The following RFXANK variants were observed in gnomAD, a reference collection of about 807,000 sequenced individuals.
RFXANK encodes the protein regulatory factor X associated ankyrin containing protein, also known as DNA-binding protein RFXANK.
A neutral mutation model predicts 34.5 loss-of-function variants in RFXANK; 19 were observed. The ratio of observed to expected loss-of-function variants is 0.55; its 90% CI spans 0.38 to 0.81. The LOEUF (loss-of-function observed/expected upper bound fraction) is 0.81. RFXANK is among the 30% of genes least tolerant of loss of function. RFXANK has a pLI of 0.00. For synonymous variants in RFXANK, 154 were observed against 149.8 expected, an observed-to-expected ratio of 1.03 and a Z score of -0.20; for missense variants, 295 against 343.5, an observed-to-expected ratio of 0.86 and a Z score of 1.12.
chr19:19,199,092 C>A, intron 8 of RFXANK, 62 bp from the exon 9 acceptor site: 1 of 1,479,706 alleles, frequency 6.8e-7, no homozygotes, highest in Non-Finnish European at 9.4e-7. Context: ...TCTCCCAGGT[C>A]CCCAGACCCC....
chr19:19,199,265 G>A, intron 9 of RFXANK, 31 bp downstream of exon 9: 1 of 1,608,196 alleles, frequency 6.2e-7, no homozygotes. Context: ...GCAGGGGTGG[G>A]GTCCCTTCCA....
chr19:19,194,342 C>T (rs1167554526), intron 3 of RFXANK, among the ~76,000 whole-genome samples: 1 of 152,178 alleles, frequency 6.6e-6, no homozygotes, highest in Non-Finnish European at 1.5e-5. Flanking sequence ...AACTGATTCT[C>T]CTGTCTCAGC....
intron 9 of RFXANK, 172 bp from the exon 10 acceptor site, chr19:19,201,477 G>C (rs764673197): frequency 6.3e-7 from 1 of 1,581,010 alleles, no homozygotes; most frequent in South Asian, 1.1e-5. Flanking sequence ...TACAAACTTA[G>C]GGGAAGTTGA....
chr19:19,193,806 C>G (rs1370271537), intron 2 of RFXANK, 133 bp from the exon 3 acceptor site: 3 of 1,009,084 alleles, frequency 3.0e-6, no homozygotes. Flanking sequence ...TTTTCATTTC[C>G]CTGGCTCTGG....
chr19:19,201,643 T>C lies in RFXANK; in HGVS notation c.713-6T>C, dbSNP rs757150693. ...CACAGCCCACCTTTTCCCTGCCCCA[T>C]CTCAGTGCAACAGGTGATCGAGAAC... On this transcript the variant is annotated splice_polypyrimidine_tract_variant and splice_region_variant and intron_variant, in intron 9 of 9. Transcript: ENST00000303088. 20 of 1,613,968 alleles carry C rather than the reference T, an allele frequency of 1.2e-5. No individual in the cohort carries two copies. Among genetic ancestry groups the C allele is most frequent in the Non-Finnish European group, 1.5e-5 (18 of 1,180,018 alleles).
rs773482897 is a variant in RFXANK at position 19,196,946 on chromosome 19, T to C, written c.188-17T>C. The C allele has an allele frequency of 1.5e-5, 24 of 1,606,596 alleles. No individual in the cohort carries two copies. The highest frequency in any genetic ancestry group is 5.4e-5 in the African/African-American group (4 of 74,758). ...CATCTACTGAGGGGAAACTGACGCCTGTTGTCTGTTTCCCAGCAGGCAGCT... is the reference window on the plus strand; with the variant it reads ...CATCTACTGAGGGGAAACTGACGCCCGTTGTCTGTTTCCCAGCAGGCAGCT... On this transcript the variant is annotated splice_polypyrimidine_tract_variant and intron_variant, in intron 3 of 9. Coordinates refer to ENST00000303088, the MANE Select transcript of RFXANK (RefSeq NM_003721.4).
Position 19,192,494 on chromosome 19 carries a change from C to T in RFXANK, c.-210C>T. On this transcript the variant is annotated 5_prime_UTR_variant, in exon 1 of 10. Coordinates refer to ENST00000303088, the MANE Select transcript of RFXANK (RefSeq NM_003721.4). ...TCCCTTCTTTAGCCCTCTGCCCCCGCCCTTGCTTATAAGCCTTTGAGACCG... is the reference window on the plus strand; with the variant it reads ...TCCCTTCTTTAGCCCTCTGCCCCCGTCCTTGCTTATAAGCCTTTGAGACCG... The T allele has an allele frequency of 3.3e-6, 1 of 306,186 alleles. No individual in the cohort carries two copies. The allele number at this position is 306,186 out of a possible 1,614,324, so 19.0% of individuals were successfully genotyped here. A position where few individuals can be genotyped will look rare whatever the true frequency, so the allele number is the denominator to read the frequency against.
chr19:19,198,855 C>G, intron 8 of RFXANK, 132 bp downstream of exon 8: 3 of 949,756 alleles, frequency 3.2e-6, no homozygotes, highest in Non-Finnish European at 3.3e-6. Context: ...CTGCTCTTCT[C>G]GGAGGATGGA....
intron 9 of RFXANK, among the ~76,000 whole-genome samples, chr19:19,200,386 C>A (rs1307080468): frequency 1.3e-5 from 2 of 152,044 alleles, no homozygotes; most frequent in Admixed American, 1.3e-4. Flanking sequence ...CCATGTTGGT[C>A]AGGCTGGTCT....
At position 19,193,075 on chromosome 19, in the gene RFXANK, G is replaced by C. The variant is rs558672572; in HGVS notation, c.-34G>C. ...TTGAGAGAACTGGGCTTTCGGCGCG[G>C]GGGGACAGAGGAGGCTCGTGGGGAG... On this transcript the variant is annotated 5_prime_UTR_variant, in exon 2 of 10. Coordinates refer to ENST00000303088, the MANE Select transcript of RFXANK (RefSeq NM_003721.4). The C allele has an allele frequency of 6.6e-6, 1 of 152,430 alleles. No individual in the cohort carries two copies. The highest frequency in any genetic ancestry group is 2.1e-4 in the South Asian group (1 of 4,838). The allele number at this position is 152,430 out of a possible 1,614,324, so 9.4% of individuals were successfully genotyped here.
At chr19:19,199,053 C>T (rs962953091) in intron 8 of RFXANK, 101 bp from the exon 9 acceptor site, 2 of 1,173,330 alleles carry the variant, frequency 1.7e-6, no homozygotes, top group South Asian at 2.5e-5. Flanking sequence ...CCCACGGCTG[C>T]ATTGTGGGGA....
In RFXANK at chr19:19,196,930, A is replaced by C. The variant is rs779360857; in HGVS notation, c.188-33A>C. 1.9e-6 allele frequency: 3 copies of C among 1,587,448 alleles called. No individual in the cohort carries two copies. In the Admixed American group the frequency reaches 5.0e-5, roughly 26 times the overall value. ...CCTGAAGCCTCAGAGACATCTACTG[A>C]GGGGAAACTGACGCCTGTTGTCTGT... On this transcript the variant is annotated intron_variant, in intron 3 of 9. Coordinates refer to ENST00000303088, the MANE Select transcript of RFXANK (RefSeq NM_003721.4).
chr19:19,200,986 G>A (rs2060704070), intron 9 of RFXANK: 1 of 190,136 alleles, frequency 5.3e-6, no homozygotes, highest in Non-Finnish European at 1.1e-5. Flanking sequence ...TTTTAGTAGA[G>A]TCAGGGTTTC....
chr19:19,197,657 C>T (rs766821319), intron 6 of RFXANK, 36 bp downstream of exon 6: 1 of 1,594,278 alleles, frequency 6.3e-7, no homozygotes, highest in Non-Finnish European at 8.6e-7. Flanking sequence ...TGGGGGGTTC[C>T]CGGGGGCCTT....
Position 19,198,598 on chromosome 19 carries a change from G to A in RFXANK, c.565-59G>A, listed in dbSNP as rs769611010. ...TCAACTGGAGGCCAGAGAGTACAAG[G>A]CATTTTGAGAATGAGGAAGAGGTAA... On this transcript the variant is annotated intron_variant, in intron 7 of 9. Coordinates refer to ENST00000303088, the MANE Select transcript of RFXANK (RefSeq NM_003721.4). The A allele has an allele frequency of 9.5e-6, 15 of 1,584,682 alleles. No homozygotes were observed. In the Admixed American group the frequency reaches 1.8e-4, roughly 19 times the overall value.
At chr19:19,196,405 A>G (rs986294813) in intron 3 of RFXANK, among the ~76,000 whole-genome samples, 1 of 151,662 alleles carries the variant, frequency 6.6e-6, no homozygotes, top group African/African-American at 2.4e-5. Flanking sequence ...ACCAATATAT[A>G]TATATTTTTA....
Position 19,201,751 on chromosome 19 carries a change from G to C in RFXANK, c.*32G>C. 6.2e-7 allele frequency: 1 copy of C among 1,613,636 alleles called. No individual in the cohort carries two copies. The highest frequency in any genetic ancestry group is 8.5e-7 in the Non-Finnish European group (1 of 1,179,920). ...CCTGCCGGGGACTCAGACACTCAGG[G>C]AACAAAATGGTCAGCCAGAGCTGGG... On this transcript the variant is annotated 3_prime_UTR_variant, in exon 10 of 10. Coordinates refer to ENST00000303088, the MANE Select transcript of RFXANK (RefSeq NM_003721.4).
At chr19:19,199,339 G>A (rs2060657383) in intron 9 of RFXANK, 105 bp downstream of exon 9, 1 of 1,118,400 alleles carries the variant, frequency 8.9e-7, no homozygotes, top group East Asian at 2.3e-5. Context: ...CCGGCAGCGA[G>A]AGTGTGTTGA....
chr19:19,198,083 C>T (rs890988062), intron 6 of RFXANK, 24 bp from the exon 7 acceptor site: 43 of 1,613,292 alleles, frequency 2.7e-5, no homozygotes, highest in Non-Finnish European at 3.6e-5. Flanking sequence ...TCCATCCTAC[C>T]ACTGTCCCTT....
Sources: allele counts gnomAD v4.1 joint callset (sites outside exome capture counted in the v4.1 genomes callset), GRCh38; gene constraint gnomAD v4.1.1; transcripts MANE v1.5; gene names NCBI Gene and HGNC (gene_info 2026-07-23, HGNC 2026-07-21).